Variants in HACD4 observed in about 807,000 individuals in gnomAD.
HACD4 encodes very-long-chain (3R)-3-hydroxyacyl-CoA dehydratase 4.
Under a neutral mutation model 33.3 loss-of-function variants are expected in HACD4, and 35 were observed. That is an observed-to-expected ratio of 1.05 (90% confidence interval 0.80 to 1.39). The LOEUF (loss-of-function observed/expected upper bound fraction) is 1.39. Ranked by LOEUF, HACD4 falls within the 40% of genes most tolerant of loss-of-function variation. The pLI is 0.00. For synonymous variants in HACD4, 118 were observed against 98.0 expected (o/e 1.20, Z -1.21); for missense variants, 323 against 276.5 (o/e 1.17, Z -1.19).
At position 21,003,142 on chromosome 9, in the gene HACD4, G is replaced by C. The variant is rs1043159075; in HGVS notation, c.*3895C>G. On this transcript the variant is annotated 3_prime_UTR_variant, in exon 7 of 7. Transcript: ENST00000495827. ...ATCTTTTTATGTTACAATTGTTGCA[G>C]ATATCTCAAATTACTGTCAATCCTC... 2 of 152,102 alleles carry C rather than the reference G, an allele frequency of 1.3e-5. No homozygotes were observed. The highest frequency in any genetic ancestry group is 2.4e-5 in the African/African-American group (1 of 41,446). 9.4% of individuals were successfully genotyped at this position (152,102 alleles called of 1,614,324 possible).
In HACD4 at chr9:21,003,807, A is replaced by G. The variant is rs1319378857; in HGVS notation, c.*3230T>C. On this transcript the variant is annotated 3_prime_UTR_variant, in exon 7 of 7. Coordinates refer to ENST00000495827, the MANE Select transcript of HACD4 (RefSeq NM_001010915.5). Reference sequence around the variant, plus strand: ...TTCAAAGAAAGCATTTTTCAAAACTATGTAAGGACATATGACTTACATTAC... The same window carrying G: ...TTCAAAGAAAGCATTTTTCAAAACTGTGTAAGGACATATGACTTACATTAC... 1 of 152,194 alleles carries G rather than the reference A, an allele frequency of 6.6e-6. No individual in the cohort carries two copies. The highest frequency in any genetic ancestry group is 1.5e-5 in the Non-Finnish European group (1 of 68,022). The allele number at this position is 152,194 out of a possible 1,614,324, so 9.4% of individuals were successfully genotyped here. A position where few individuals can be genotyped will look rare whatever the true frequency, so the allele number is the denominator to read the frequency against.
Position 21,027,772 on chromosome 9 carries a change from T to G in HACD4, c.143-1049A>C, listed in dbSNP as rs145888736. Among the ~76,000 whole-genome samples, 41 of 152,366 alleles carry G rather than the reference T, an allele frequency of 2.7e-4. No homozygotes were observed. In the East Asian group the frequency reaches 7.9e-3, roughly 29 times the overall value. On this transcript the variant is annotated intron_variant, in intron 2 of 6. Transcript: ENST00000495827. ...ACTTAGTTGTTTTCAGTCTGTCTCC[T>G]GAACGAATCGGTTGTGTTTCTTTAA...
At position 21,001,138 on chromosome 9, in the gene HACD4, C is replaced by G. The variant is rs955156186; in HGVS notation, c.*5899G>C. On this transcript the variant is annotated 3_prime_UTR_variant, in exon 7 of 7. Transcript: ENST00000495827. ...GACTTGATGGTGGATCCACTAAAGG[C>G]TCTACAACGACTGCCTTAAGGATGT... The G allele has an allele frequency of 6.6e-6, 1 of 151,966 alleles. No homozygotes were observed. Among genetic ancestry groups the G allele is most frequent in the Non-Finnish European group, 1.5e-5 (1 of 67,940 alleles). The allele number at this position is 151,966 out of a possible 1,614,324, so 9.4% of individuals were successfully genotyped here. A position where few individuals can be genotyped will look rare whatever the true frequency, so the allele number is the denominator to read the frequency against.
chr9:21,017,946 C>T (rs1817804836), intron 3 of HACD4: 1 of 152,186 alleles, frequency 6.6e-6, no homozygotes, highest in African/African-American at 2.4e-5. Flanking sequence ...TGATGAAACT[C>T]ACCCTGTTGA....
In HACD4 at chr9:21,011,613, A is replaced by G. The variant is rs751737769; in HGVS notation, c.466T>C (p.Tyr156His). 6.2e-7 allele frequency: 1 copy of G among 1,607,514 alleles called. No individual in the cohort carries two copies. Among genetic ancestry groups the G allele is most frequent in the African/African-American group, 1.3e-5 (1 of 74,814 alleles). Residue 156 changes from tyrosine (Y) to histidine (H), a missense_variant, in exon 5 of 7, where the codon TAT becomes CAT. By Grantham distance (83) the Tyr-to-His change is moderately conservative. Coordinates refer to ENST00000495827, the MANE Select transcript of HACD4 (RefSeq NM_001010915.5). ...WLSQTLWMPI[Y>H]PLCVLAEAFA... ...CCTTCAGCAAGAACACACAAAGGAT[A>G]AATTGGCATCCATAGTGTTTGACTG...
Position 21,008,117 on chromosome 9 carries a change from A to G in HACD4, c.520T>C (p.Phe174Leu), listed in dbSNP as rs767839902. Residue 174 changes from phenylalanine (F) to leucine (L), a missense_variant, in exon 6 of 7, where the codon TTT becomes CTT. By Grantham distance (22) the Phe-to-Leu change is conservative (BLOSUM62 0). Coordinates refer to ENST00000495827, the MANE Select transcript of HACD4 (RefSeq NM_001010915.5). ...GTGGAATAAGTGCCAAATGATTCAA[A>G]ATAAGGCAGCGATTGATAGATGGCA... ...AFAIYQSLPY[F>L]ESFGTYSTKL... 1 of 1,609,516 alleles carries G rather than the reference A, an allele frequency of 6.2e-7. No homozygotes were observed. Among genetic ancestry groups the G allele is most frequent in the Non-Finnish European group, 8.5e-7 (1 of 1,178,030 alleles).
intron 3 of HACD4, 52 bp downstream of exon 3, chr9:21,026,543 GA>G (rs941936443): frequency 2.3e-5 from 34 of 1,477,514 alleles, no homozygotes; most frequent in Non-Finnish European, 2.9e-5. Flanking sequence ...GCTTTAAAGA[GA>G]AAAAATGTAA....
chr9:21,025,830 A>G (rs1213178582), intron 3 of HACD4, among the ~76,000 whole-genome samples: 1 of 152,236 alleles, frequency 6.6e-6, no homozygotes, highest in East Asian at 1.9e-4. Context: ...CGAGTATTGT[A>G]TTCTTAACTA....
In HACD4 at chr9:21,005,633, G is replaced by C. The variant is rs898460237; in HGVS notation, c.*1404C>G. ...AGAGAACATCAGTGGTACCTTCTCA[G>C]TTTCAAAAGGGGCAGTCATTGCCTT... On this transcript the variant is annotated 3_prime_UTR_variant, in exon 7 of 7. Coordinates refer to ENST00000495827, the MANE Select transcript of HACD4 (RefSeq NM_001010915.5). The surrounding 1 kb of genome is among the most constrained non-coding windows in gnomAD (Gnocchi z 4.0). The C allele has an allele frequency of 2.6e-5, 4 of 152,244 alleles. No individual in the cohort carries two copies. The highest frequency in any genetic ancestry group is 2.6e-4 in the Admixed American group (4 of 15,280). 9.4% of individuals were successfully genotyped at this position (152,244 alleles called of 1,614,324 possible).
chr9:21,030,269 CAAA>C (rs57245979), intron 1 of HACD4, among the ~76,000 whole-genome samples: 6 of 110,886 alleles, frequency 5.4e-5, no homozygotes, highest in East Asian at 2.4e-4. Context: ...TGGCAACTTA[CAAA>C]AAAAAAAAAA....
chr9:21,017,278 C>T (rs1465314104), intron 3 of HACD4, among the ~76,000 whole-genome samples: 2 of 152,076 alleles, frequency 1.3e-5, no homozygotes, highest in African/African-American at 2.4e-5. Context: ...CGTGTATAAG[C>T]TATATCAGCA....
At position 21,023,496 on chromosome 9, in the gene HACD4, C is replaced by T. The variant is rs371079029; in HGVS notation, c.270+3100G>A. 8.0e-4 allele frequency among the ~76,000 whole-genome samples: 122 copies of T among 152,118 alleles called. 1 individual carries two copies. Among genetic ancestry groups the T allele is most frequent in the African/African-American group, 2.8e-3 (116 of 41,504 alleles). On this transcript the variant is annotated intron_variant, in intron 3 of 6. Coordinates refer to ENST00000495827, the MANE Select transcript of HACD4 (RefSeq NM_001010915.5). The stretch of plus-strand genomic sequence containing the variant: ...TGCTCAACTAGCTAATCAGTTCCTA[C>T]TGTTGGTTGGAATTATTTCTCTTGA...
rs888311375 is a variant in HACD4, at chr9:21,004,382, T to TATC, written c.*2652_*2654dup. ...AAATACATGACATTAATGAATACTC[T>TATC]ATCAGAGCACTAGGGACTGAATGCT... On this transcript the variant is annotated 3_prime_UTR_variant, in exon 7 of 7. Coordinates refer to ENST00000495827, the MANE Select transcript of HACD4 (RefSeq NM_001010915.5). The surrounding 1 kb of genome is among the most constrained non-coding windows in gnomAD (Gnocchi z 4.6). 1 of 152,224 alleles carries TATC rather than the reference T, an allele frequency of 6.6e-6. No homozygotes were observed. The highest frequency in any genetic ancestry group is 1.5e-5 in the Non-Finnish European group (1 of 68,046). The allele number at this position is 152,224 out of a possible 1,614,324, so 9.4% of individuals were successfully genotyped here. A position where few individuals can be genotyped will look rare whatever the true frequency, so the allele number is the denominator to read the frequency against.
At chr9:21,031,480 C>CCGCT (rs1166002325) in intron 1 of HACD4, 73 bp downstream of exon 1, 103 of 1,398,314 alleles carry the variant, frequency 7.4e-5, no homozygotes, top group Non-Finnish European at 8.6e-5. Flanking sequence ...GCCCGCCCGC[C>CCGCT]GCAGAGGGGA....
rs1313506025 is a variant in HACD4 at position 21,031,637 on chromosome 9, G to A, written c.-47C>T. 2.2e-6 allele frequency: 3 copies of A among 1,345,856 alleles called. No individual in the cohort carries two copies. The highest frequency in any genetic ancestry group is 3.1e-5 in the East Asian group (1 of 32,148). 83.4% of individuals were successfully genotyped at this position (1,345,856 alleles called of 1,614,324 possible). Reference sequence around the variant, plus strand: ...CCAGCGCGGTCCAGGAAGGAGTACCGGGGAGGAGGCAGGGGCGGCCCCGCG... The same window carrying A: ...CCAGCGCGGTCCAGGAAGGAGTACCAGGGAGGAGGCAGGGGCGGCCCCGCG... On this transcript the variant is annotated 5_prime_UTR_variant, in exon 1 of 7. Coordinates refer to ENST00000495827, the MANE Select transcript of HACD4 (RefSeq NM_001010915.5).
intron 1 of HACD4, among the ~76,000 whole-genome samples, chr9:21,029,852 G>A (rs934677528): frequency 6.6e-6 from 1 of 152,122 alleles, no homozygotes; most frequent in Admixed American, 6.5e-5. Flanking sequence ...ACTGGGAGCT[G>A]CGGCCTGATG....
At position 21,002,940 on chromosome 9, in the gene HACD4, T is replaced by C. The variant is rs931590151; in HGVS notation, c.*4097A>G. 6.6e-6 allele frequency: 1 copy of C among 152,190 alleles called. No individual in the cohort carries two copies. The highest frequency in any genetic ancestry group is 2.4e-5 in the African/African-American group (1 of 41,464). 9.4% of individuals were successfully genotyped at this position (152,190 alleles called of 1,614,324 possible). ...TCCGATTAACCAGATAGTTACTGTC[T>C]TGACTTCACTATGTCTGGGTTTCTT... On this transcript the variant is annotated 3_prime_UTR_variant, in exon 7 of 7. Transcript: ENST00000495827.
chr9:21,002,438 T>TAA lies in HACD4; in HGVS notation c.*4597_*4598dup, dbSNP rs999499512. The TAA allele has an allele frequency of 1.3e-5, 2 of 152,098 alleles. No homozygotes were observed. The highest frequency in any genetic ancestry group is 4.8e-5 in the African/African-American group (2 of 41,414). 9.4% of individuals were successfully genotyped at this position (152,098 alleles called of 1,614,324 possible). A position where few individuals can be genotyped will look rare whatever the true frequency, so the allele number is the denominator to read the frequency against. ...TGGAGGAAACTTGCAGACATTATGC[T>TAA]AAGTGAAATAAGCCAATTACGAAAG... On this transcript the variant is annotated 3_prime_UTR_variant, in exon 7 of 7. Transcript: ENST00000495827.
At chr9:21,019,504 G>A (rs1817847658) in intron 3 of HACD4, among the ~76,000 whole-genome samples, 1 of 152,042 alleles carries the variant, frequency 6.6e-6, no homozygotes, top group South Asian at 2.1e-4. Context: ...ATAAATGTAA[G>A]CTATGATTAG....
Sources: allele counts gnomAD v4.1 joint callset (sites outside exome capture counted in the v4.1 genomes callset), GRCh38; gene constraint gnomAD v4.1.1; non-coding constraint Gnocchi (gnomAD v3.1); transcripts MANE v1.5; gene names NCBI Gene and HGNC (gene_info 2026-07-23, HGNC 2026-07-21).